PLA2G6: variants seen among roughly 807,000 people sequenced by gnomAD.
PLA2G6 encodes the protein 85/88 kDa calcium-independent phospholipase A2.
In PLA2G6, 62 loss-of-function variants were observed where a neutral mutation model predicts 83.8. The observed-to-expected ratio is 0.74, with a 90% CI of 0.60 to 0.91. The LOEUF is 0.91. Ranked by LOEUF, PLA2G6 falls within the 40% of genes least tolerant of loss-of-function variation. The pLI is 0.00. For synonymous variants in PLA2G6, 417 were observed against 449.8 expected (o/e 0.93, Z 0.92); for missense variants, 944 against 1,102.0 (o/e 0.86, Z 2.03).
chr22:38,133,074 C>A, intron 6 of PLA2G6, 61 bp from the exon 7 acceptor site: 1 of 1,454,514 alleles, frequency 6.9e-7, no homozygotes, highest in Non-Finnish European at 9.3e-7. Flanking sequence ...CACCCCGGGA[C>A]ACGTGGGCAC....
In PLA2G6 at chr22:38,132,795, G is replaced by A. The variant is rs764392394; in HGVS notation, c.1077+36C>T. On this transcript the variant is annotated intron_variant, in intron 7 of 16. Coordinates refer to ENST00000332509, the MANE Select transcript of PLA2G6 (RefSeq NM_003560.4). This position sits in a 1 kb window ranked among gnomAD's most constrained non-coding sequence, Gnocchi z 5.0. ...GACAGCCCTCCTGCATTCCCACCGG[G>A]GCCCCACAGGGCAGGACACGCGGTC... The A allele has an allele frequency of 6.6e-7, 1 of 1,526,192 alleles. No individual in the cohort carries two copies. The highest frequency in any genetic ancestry group is 2.0e-5 in the Admixed American group (1 of 50,758). The allele number at this position is 1,526,192 out of a possible 1,614,324, so 94.5% of individuals were successfully genotyped here.
rs2087622708 is a variant in PLA2G6, at chr22:38,123,175, G to A, written c.1511C>T (p.Ser504Leu). ...AAACAGGTCCTTGGTGGCCACACCC[G>A]AGGCCTTCTCGATGGCGATGAGGAG... ...IQLLIAIEKA[S>L]GVATKDLFDW... The change falls in exon 11 of 17, where the codon TCG becomes TTG. Residue 504 changes from serine (S) to leucine (L), a missense_variant. Coordinates refer to ENST00000332509, the MANE Select transcript of PLA2G6 (RefSeq NM_003560.4). This position sits in a 1 kb window ranked among gnomAD's most constrained non-coding sequence, Gnocchi z 4.1. The A allele has an allele frequency of 3.9e-6, 6 of 1,551,720 alleles. No homozygotes were observed. Among genetic ancestry groups the A allele is most frequent in the Admixed American group, 3.9e-5 (2 of 51,132 alleles).
intron 7 of PLA2G6, among the ~76,000 whole-genome samples, chr22:38,129,895 C>T (rs1007304605): frequency 1.3e-5 from 2 of 152,202 alleles, no homozygotes; most frequent in South Asian, 2.1e-4. Flanking sequence ...GCCATGGGGA[C>T]ACAGTAGGTC....
chr22:38,169,973 G>A (rs879576830), intron 1 of PLA2G6, among the ~76,000 whole-genome samples: 8 of 152,086 alleles, frequency 5.3e-5, no homozygotes, highest in Admixed American at 1.3e-4. Context: ...TGAGGCGGGC[G>A]GATCATTTGA....
intron 12 of PLA2G6, among the ~76,000 whole-genome samples, chr22:38,116,851 CAAAAAAAAAA>C (rs57712042): frequency 8.0e-5 from 3 of 37,658 alleles, no homozygotes; most frequent in Non-Finnish European, 1.0e-4. Context: ...AACTCCGTCT[CAAAAAAAAAA>C]AAAAAAAAAA....
Position 38,162,679 on chromosome 22 carries a change from G to A in PLA2G6, c.209+6539C>T, listed in dbSNP as rs868360263. Among the ~76,000 whole-genome samples the A allele has an allele frequency of 4.6e-5, 7 of 152,278 alleles. 1 individual carries two copies. In the Middle Eastern group the frequency reaches 0.01, roughly 222 times the overall value. The stretch of plus-strand genomic sequence containing the variant: ...CAGGGGCTCACATCTTTGAGGATGT[G>A]GGGGAGCACCCCAGGCTCGTAGATA... On this transcript the variant is annotated intron_variant, in intron 2 of 16. Transcript: ENST00000332509.
intron 3 of PLA2G6, chr22:38,143,642 C>G: frequency 2.5e-6 from 1 of 399,822 alleles, no homozygotes; most frequent in Non-Finnish European, 4.8e-6. Context: ...CTTATCGACA[C>G]AAGCTGCTGT....
intron 12 of PLA2G6, among the ~76,000 whole-genome samples, chr22:38,119,356 G>C (rs1278246451): frequency 1.3e-5 from 2 of 152,144 alleles, no homozygotes; most frequent in Non-Finnish European, 2.9e-5. Flanking sequence ...AGATGGGGCT[G>C]GGAAAAATTG....
At position 38,145,542 on chromosome 22, in the gene PLA2G6, C is replaced by T. The variant is rs1210851946; in HGVS notation, c.321G>A (p.Leu107=). 1.9e-6 allele frequency: 3 copies of T among 1,613,576 alleles called. No homozygotes were observed. Among genetic ancestry groups the T allele is most frequent in the East Asian group, 4.5e-5 (2 of 44,868 alleles). Residue 107 remains leucine (L), a synonymous_variant, in exon 3 of 17, where the codon CTG becomes CTA. Coordinates refer to ENST00000332509, the MANE Select transcript of PLA2G6 (RefSeq NM_003560.4). ...SSPQVLHTEV[L]QHLTDLIRNH... is the part of the protein sequence containing the mutation. ...TACGGATGAGGTCGGTCAGGTGCTG[C>T]AGGACCTCAGTGTGCAGGACCTGAG... is the stretch of plus-strand genomic sequence containing the variant.
intron 12 of PLA2G6, among the ~76,000 whole-genome samples, chr22:38,116,872 A>AAAAC (rs2087238169): frequency 2.6e-5 from 4 of 151,118 alleles, no homozygotes; most frequent in Admixed American, 2.6e-4. Flanking sequence ...AAAAAAAAAA[A>AAAAC]AAAACAGAAT....
rs896907433 is a variant in PLA2G6, at chr22:38,111,770, C to G, written c.*391G>C. 6.6e-5 allele frequency: 23 copies of G among 347,760 alleles called. No individual in the cohort carries two copies. The highest frequency in any genetic ancestry group is 4.7e-4 in the African/African-American group (22 of 46,826). The allele number at this position is 347,760 out of a possible 1,614,324, so 21.5% of individuals were successfully genotyped here. On this transcript the variant is annotated 3_prime_UTR_variant, in exon 17 of 17. Transcript: ENST00000332509. ...GGAGTGGGCTGCACCCACCAGGAAG[C>G]CTGGGAGTGCCCTTGCTGGGGGCTG... is the stretch of plus-strand genomic sequence containing the variant.
chr22:38,139,881 G>A (rs2088791815), intron 5 of PLA2G6, 101 bp downstream of exon 5: 1 of 973,162 alleles, frequency 1.0e-6, no homozygotes, highest in East Asian at 2.6e-5. Flanking sequence ...GGCTGGAGAT[G>A]CTAAGATCTA....
intron 2 of PLA2G6, among the ~76,000 whole-genome samples, chr22:38,158,239 G>A (rs1350230751): frequency 5.6e-5 from 8 of 143,438 alleles, no homozygotes; most frequent in African/African-American, 1.0e-4. Flanking sequence ...GTGCAATCTC[G>A]GCTCACTGCA....
chr22:38,151,193 A>C (rs917811086), intron 2 of PLA2G6, among the ~76,000 whole-genome samples: 3 of 151,576 alleles, frequency 2.0e-5, no homozygotes, highest in African/African-American at 4.9e-5. Context: ...AAAAACCCAG[A>C]GACTTTGTCA....
intron 1 of PLA2G6, among the ~76,000 whole-genome samples, chr22:38,174,376 C>T (rs1478455930): frequency 4.6e-5 from 7 of 150,834 alleles, no homozygotes; most frequent in Admixed American, 2.0e-4. Flanking sequence ...CCAGCCTGGG[C>T]GAGAGCGAGA....
intron 10 of PLA2G6, among the ~76,000 whole-genome samples, chr22:38,124,996 G>A (rs957760670): frequency 2.6e-5 from 4 of 152,176 alleles, no homozygotes; most frequent in Non-Finnish European, 4.4e-5. Flanking sequence ...CCTCAGCCCC[G>A]CTCCAGGCAG....
intron 11 of PLA2G6, chr22:38,121,176 G>C (rs1258258806): frequency 2.4e-6 from 1 of 413,448 alleles, no homozygotes; most frequent in Non-Finnish European, 4.5e-6. Context: ...TCAGGAGTTT[G>C]AGACCAGCCT....
chr22:38,127,966 T>C (rs1569258119), intron 9 of PLA2G6, among the ~76,000 whole-genome samples: 1 of 152,098 alleles, frequency 6.6e-6, no homozygotes, highest in Non-Finnish European at 1.5e-5. Flanking sequence ...CTGAACGCCC[T>C]GGGGACAGGA....
rs1034103663 is a variant in PLA2G6 at position 38,134,803 on chromosome 22, C to T, written c.894+185G>A. ...GCACAGGGCGGATCCCCCCGCCCAGCCAGAGAGCAGCAGAGCCCTGCCAGG... is the reference window on the plus strand; with the variant it reads ...GCACAGGGCGGATCCCCCCGCCCAGTCAGAGAGCAGCAGAGCCCTGCCAGG... On this transcript the variant is annotated intron_variant, in intron 6 of 16. Coordinates refer to ENST00000332509, the MANE Select transcript of PLA2G6 (RefSeq NM_003560.4). 6.7e-6 allele frequency: 4 copies of T among 594,352 alleles called. No homozygotes were observed. The African/African-American group carries it at 7.4e-5, about 11-fold the overall frequency. 36.8% of individuals were successfully genotyped at this position (594,352 alleles called of 1,614,324 possible). A position where few individuals can be genotyped will look rare whatever the true frequency, so the allele number is the denominator to read the frequency against.
Sources: allele counts gnomAD v4.1 joint callset (sites outside exome capture counted in the v4.1 genomes callset), GRCh38; gene constraint gnomAD v4.1.1; non-coding constraint Gnocchi (gnomAD v3.1); transcripts MANE v1.5; gene names NCBI Gene and HGNC (gene_info 2026-07-23, HGNC 2026-07-21).